The following TGIF1 variants were observed in gnomAD, a reference collection of about 807,000 sequenced individuals.
TGIF1 encodes the protein TGFB induced factor homeobox 1.
TGIF1 carries 4 observed loss-of-function variants against 19.3 expected under a neutral mutation model. That is an observed-to-expected ratio of 0.21 (90% CI 0.10 to 0.47). The LOEUF (loss-of-function observed/expected upper bound fraction) is 0.47. TGIF1 is among the 20% of genes least tolerant of loss of function. The probability of loss-of-function intolerance (pLI) is 0.98; values close to 1 mark genes in which losing one functional copy is unlikely to be tolerated. For missense variants in TGIF1, 275 were observed against 341.4 expected, an observed-to-expected ratio of 0.81 and a Z score of 1.53; for synonymous variants, 122 against 129.3, an observed-to-expected ratio of 0.94 and a Z score of 0.38.
At chr18:3,413,927 T>C (rs892792820) in intron 1 of TGIF1, among the ~76,000 whole-genome samples, 3 of 152,216 alleles carry the variant, frequency 2.0e-5, no homozygotes, top group African/African-American at 7.2e-5. Flanking sequence ...TCGTGGGTTT[T>C]AAATGTATTT....
intron 1 of TGIF1, chr18:3,455,044 T>C (rs2083121067): frequency 6.6e-6 from 1 of 152,170 alleles, no homozygotes; most frequent in Admixed American, 6.5e-5. Context: ...TCAACCAAAA[T>C]TACATACTAC....
At chr18:3,447,902 C>A, upstream of TGIF1, 2 of 1,524,216 alleles carry the variant, frequency 1.3e-6, no homozygotes, top group Non-Finnish European at 1.8e-6. Flanking sequence ...AAGCTATAAA[C>A]CCTTTCCAAT....
rs2049454065 is a variant in TGIF1 at position 3,459,319 on chromosome 18, C to G, written c.*1379C>G. ...TTGAAACTATTTTAGAAAGTCCCTACTGTAGAAAGAGCTAAACTCAAAGAC... is the reference window on the plus strand; with the variant it reads ...TTGAAACTATTTTAGAAAGTCCCTAGTGTAGAAAGAGCTAAACTCAAAGAC... On this transcript the variant is annotated 3_prime_UTR_variant, in exon 3 of 3. Transcript: ENST00000343820. 6.6e-6 allele frequency: 1 copy of G among 152,122 alleles called. No homozygotes were observed. The highest frequency in any genetic ancestry group is 2.4e-5 in the African/African-American group (1 of 41,418). The allele number at this position is 152,122 out of a possible 1,614,324, so 9.4% of individuals were successfully genotyped here.
upstream of TGIF1, chr18:3,447,940 A>C (rs1489487437): frequency 7.0e-7 from 1 of 1,438,074 alleles, no homozygotes; most frequent in African/African-American, 1.4e-5. Flanking sequence ...GTTGCCTGAG[A>C]ATCGCAGTCA....
chr18:3,454,512 A>G (rs1046327922), intron 1 of TGIF1, among the ~76,000 whole-genome samples: 29 of 152,258 alleles, frequency 1.9e-4, no homozygotes, highest in African/African-American at 6.3e-4. Flanking sequence ...TAAAAGTTCG[A>G]TTTCTTTAAT....
intron 2 of TGIF1, among the ~76,000 whole-genome samples, chr18:3,431,346 C>G (rs2082544315): frequency 6.6e-6 from 1 of 152,046 alleles, no homozygotes; most frequent in Non-Finnish European, 1.5e-5. Flanking sequence ...GTTCATGAGG[C>G]TAAGGCTTGA....
chr18:3,422,688 T>C (rs12958856), intron 2 of TGIF1, among the ~76,000 whole-genome samples: 1 of 31,880 alleles, frequency 3.1e-5, no homozygotes, highest in Non-Finnish European at 1.3e-4. Context: ...TTTTTTTTTT[T>C]TTTTTTTTTT....
chr18:3,432,144 A>AAAAAAAAAG (rs199561203), intron 2 of TGIF1, among the ~76,000 whole-genome samples: 2 of 138,464 alleles, frequency 1.4e-5, no homozygotes, highest in Non-Finnish European at 3.0e-5. Flanking sequence ...AAAAAAAAAA[A>AAAAAAAAAG]CACTAAGAAA....
chr18:3,449,101 A>T (rs1291957463), upstream of TGIF1, among the ~76,000 whole-genome samples: 2 of 152,218 alleles, frequency 1.3e-5, no homozygotes, highest in Non-Finnish European at 2.9e-5. Context: ...GCCAAACAGC[A>T]TCTGGTCTTT....
In TGIF1 at chr18:3,450,382, A is replaced by G. The variant is rs2082866410; in HGVS notation, c.-108A>G. On this transcript the variant is annotated 5_prime_UTR_variant, in exon 1 of 3. Coordinates refer to ENST00000343820, the MANE Select transcript of TGIF1 (RefSeq NM_003244.4). ...AATAACGGCTGGAGCACGTCCTACA[A>G]GTTACGGGAGAGTCGGCTGTGAAGG... The G allele has an allele frequency of 6.5e-7, 1 of 1,541,950 alleles. No individual in the cohort carries two copies. The highest frequency in any genetic ancestry group is 8.8e-7 in the Non-Finnish European group (1 of 1,142,156).
In TGIF1 at chr18:3,458,092, C is replaced by G; in HGVS notation, c.*152C>G. 1 of 677,830 alleles carries G rather than the reference C, an allele frequency of 1.5e-6. No individual in the cohort carries two copies. Among genetic ancestry groups the G allele is most frequent in the South Asian group, 1.9e-5 (1 of 52,664 alleles). 42.0% of individuals were successfully genotyped at this position (677,830 alleles called of 1,614,324 possible). A position where few individuals can be genotyped will look rare whatever the true frequency, so the allele number is the denominator to read the frequency against. On this transcript the variant is annotated 3_prime_UTR_variant, in exon 3 of 3. Transcript: ENST00000343820. ...TTACTGAGATGTCTTCAATGGAATACAGTCATTCCAAGAACTATAAACTTA... is the reference window on the plus strand; with the variant it reads ...TTACTGAGATGTCTTCAATGGAATAGAGTCATTCCAAGAACTATAAACTTA...
intron 2 of TGIF1, among the ~76,000 whole-genome samples, chr18:3,444,571 G>T (rs1319178834): frequency 1.3e-5 from 2 of 151,966 alleles, no homozygotes; most frequent in Admixed American, 6.6e-5. Context: ...GATAAATATT[G>T]GGTACCTATG....
rs1450868366 is a variant in TGIF1, at chr18:3,451,391, A to G, written c.16+886A>G. 3.2e-6 allele frequency: 3 copies of G among 949,482 alleles called. No homozygotes were observed. The highest frequency in any genetic ancestry group is 3.7e-6 in the Non-Finnish European group (3 of 821,322). 58.8% of individuals were successfully genotyped at this position (949,482 alleles called of 1,614,324 possible). ...ACCACACAAAACACCCCGAAAGGTCAGAGTGTGAAGTCCCTTTTGAAGTTA... is the reference window on the plus strand; with the variant it reads ...ACCACACAAAACACCCCGAAAGGTCGGAGTGTGAAGTCCCTTTTGAAGTTA... On this transcript the variant is annotated intron_variant, in intron 1 of 2. Transcript: ENST00000343820. The surrounding 1 kb of genome is among the most constrained non-coding windows in gnomAD (Gnocchi z 5.4).
rs573371466 is a variant in TGIF1 at position 3,422,891 on chromosome 18, G to A, written c.-45+4676G>A. On this transcript the variant is annotated intron_variant, in intron 2 of 3. Coordinates refer to the TGIF1 transcript ENST00000401449. The stretch of plus-strand genomic sequence containing the variant: ...ATTTTAGTAGAGACGGGGTTTCACC[G>A]TGTTATCCAGGATGGTCTCTATCTC... Among the ~76,000 whole-genome samples, 102 of 151,908 alleles carry A rather than the reference G, an allele frequency of 6.7e-4. 1 individual carries two copies. Among genetic ancestry groups the A allele is most frequent in the South Asian group, 2.3e-3 (11 of 4,798 alleles).
In TGIF1 at chr18:3,426,166, C is replaced by CTTTTTTTTTT. The variant is rs10675936; in HGVS notation, c.-45+7962_-45+7971dup. Among the ~76,000 whole-genome samples the CTTTTTTTTTT allele has an allele frequency of 4.3e-5, 5 of 116,590 alleles. 1 individual carries two copies. The highest frequency in any genetic ancestry group is 1.8e-4 in the African/African-American group (5 of 27,270). 76.5% of individuals were successfully genotyped at this position (116,590 alleles called of 152,430 possible). On this transcript the variant is annotated intron_variant, in intron 2 of 3. Transcript: ENST00000401449. ...CTCAGGCCCAGTTCTGGCTAGGGTC[C>CTTTTTTTTTT]TTTTTTTTTTTTTTTTTTTTGAGAC...
chr18:3,451,372 CAA>C lies in TGIF1; in HGVS notation c.16+870_16+871del, dbSNP rs1568047339. The C allele has an allele frequency of 1.0e-6, 1 of 983,144 alleles. No individual in the cohort carries two copies. The highest frequency in any genetic ancestry group is 1.2e-6 in the Non-Finnish European group (1 of 829,824). The allele number at this position is 983,144 out of a possible 1,614,324, so 60.9% of individuals were successfully genotyped here. A position where few individuals can be genotyped will look rare whatever the true frequency, so the allele number is the denominator to read the frequency against. Reference sequence around the variant, plus strand: ...GGGGACGGGGGGTGGAGAAACCACACAAAACACCCCGAAAGGTCAGAGTGTGA... The same window carrying C: ...GGGGACGGGGGGTGGAGAAACCACACAACACCCCGAAAGGTCAGAGTGTGA... On this transcript the variant is annotated intron_variant, in intron 1 of 2. Coordinates refer to ENST00000343820, the MANE Select transcript of TGIF1 (RefSeq NM_003244.4). This position sits in a 1 kb window ranked among gnomAD's most constrained non-coding sequence, Gnocchi z 5.4.
At chr18:3,447,837 A>C (rs748382767), upstream of TGIF1, 59 of 1,611,506 alleles carry the variant, frequency 3.7e-5, no homozygotes, top group Non-Finnish European at 5.0e-5. Context: ...CCTAATTCGA[A>C]AGAGGCTTTC....
rs35451557 is a variant in TGIF1, at chr18:3,455,842, G to GA, written c.17-504dup. ...TGTAATTTTCCTTCCTTATATCCATGAAAAAAAATGTACGAGTGCTCCCTT... is the reference window on the plus strand; with the variant it reads ...TGTAATTTTCCTTCCTTATATCCATGAAAAAAAAATGTACGAGTGCTCCCTT... On this transcript the variant is annotated intron_variant, in intron 1 of 2. Transcript: ENST00000343820. 513 of 178,752 alleles carry GA rather than the reference G, an allele frequency of 2.9e-3. 1 individual carries two copies. The highest frequency in any genetic ancestry group is 0.011 in the African/African-American group (461 of 42,160). The allele number at this position is 178,752 out of a possible 1,614,324, so 11.1% of individuals were successfully genotyped here.
chr18:3,449,529 T>A (rs139321974), upstream of TGIF1: 22 of 985,022 alleles, frequency 2.2e-5, no homozygotes, highest in Non-Finnish European at 2.4e-5. Flanking sequence ...TTAGGCTGTG[T>A]CTCATCATTC....
Sources: gnomAD v4.1 joint callset for allele counts (sites outside exome capture counted in the v4.1 genomes callset) on GRCh38, gnomAD v4.1.1 for gene constraint, Gnocchi (gnomAD v3.1) non-coding constraint, MANE v1.5 for transcripts, NCBI Gene and HGNC (gene_info 2026-07-23, HGNC 2026-07-21) for gene names.